Variants in TBC1D24 observed in about 807,000 individuals in gnomAD.
TBC1D24 encodes TBC1 domain family member 24, also known as Infantile myoclonic epilepsy.
A neutral mutation model predicts 50.7 loss-of-function variants in TBC1D24; 47 were observed. That is an observed-to-expected ratio of 0.93 (90% CI 0.73 to 1.18). The LOEUF (loss-of-function observed/expected upper bound fraction) is 1.18. TBC1D24 is among the 50% of genes most tolerant of loss of function. The probability of loss-of-function intolerance (pLI) is 0.00; values close to 1 mark genes in which losing one functional copy is unlikely to be tolerated. For synonymous variants in TBC1D24, 324 were observed against 335.2 expected (o/e 0.97, Z 0.36); for missense variants, 688 against 766.5 (o/e 0.90, Z 1.21).
Position 2,486,071 on chromosome 16 carries a change from G to A in TBC1D24, c.-115-9963G>A, listed in dbSNP as rs953457003. 1.3e-5 allele frequency among the ~76,000 whole-genome samples: 2 copies of A among 152,308 alleles called. No homozygotes were observed. The highest frequency in any genetic ancestry group is 6.5e-5 in the Admixed American group (1 of 15,300). Reference sequence around the variant, plus strand: ...GCGGGTGGGGTCGGTGCTCAGGAGCGGGTGGGGCCTGCCGGTCTCCCTAGC... The same window carrying A: ...GCGGGTGGGGTCGGTGCTCAGGAGCAGGTGGGGCCTGCCGGTCTCCCTAGC... On this transcript the variant is annotated intron_variant, in intron 1 of 7. Transcript: ENST00000646147. The surrounding 1 kb of genome is among the most constrained non-coding windows in gnomAD (Gnocchi z 5.8).
rs1376796560 is a variant in TBC1D24 at position 2,482,708 on chromosome 16, C to T, written c.-116+7538C>T. Among the ~76,000 whole-genome samples, 4 of 152,086 alleles carry T rather than the reference C, an allele frequency of 2.6e-5. No homozygotes were observed. Among genetic ancestry groups the T allele is most frequent in the East Asian group, 1.9e-4 (1 of 5,182 alleles). On this transcript the variant is annotated intron_variant, in intron 1 of 7. Coordinates refer to ENST00000646147, the MANE Select transcript of TBC1D24 (RefSeq NM_001199107.2). The surrounding 1 kb of genome is among the most constrained non-coding windows in gnomAD (Gnocchi z 5.2). ...TGGAGTGTGAATGTTGTGACTGTAC[C>T]GGAGACACCTGGGAAGCAGCTGGAG...
At chr16:2,497,908 C>G (rs769561104) in intron 3 of TBC1D24, among the ~76,000 whole-genome samples, 181 bp downstream of exon 3, 2 of 152,220 alleles carry the variant, frequency 1.3e-5, no homozygotes, top group Non-Finnish European at 2.9e-5. Context: ...CCCTGCCTGT[C>G]TGCCTCTGTC....
Position 2,498,233 on chromosome 16 carries a change from C to T in TBC1D24, c.984-5C>T, listed in dbSNP as rs535021783. On this transcript the variant is annotated splice_region_variant and splice_polypyrimidine_tract_variant and intron_variant, in intron 3 of 7. Transcript: ENST00000646147. ...CGGGCTCTGACCCCTGCTCGCTCCCCTCAGGCAGTTTGTACACTTGGCCGT... is the reference window on the plus strand; with the variant it reads ...CGGGCTCTGACCCCTGCTCGCTCCCTTCAGGCAGTTTGTACACTTGGCCGT... 1 of 1,604,056 alleles carries T rather than the reference C, an allele frequency of 6.2e-7. No individual in the cohort carries two copies. The highest frequency in any genetic ancestry group is 1.3e-5 in the African/African-American group (1 of 74,902).
Position 2,500,221 on chromosome 16 carries a change from G to A in TBC1D24, c.1303-47G>A. On this transcript the variant is annotated intron_variant, in intron 6 of 7. Transcript: ENST00000646147. This position sits in a 1 kb window ranked among gnomAD's most constrained non-coding sequence, Gnocchi z 8.0. ...CGGGTTGTGGCTCTGGGGCAGAGGG[G>A]CCTGCGAACGCCCGCGCCAGCTCCT... The A allele has an allele frequency of 6.7e-7, 1 of 1,490,344 alleles. No homozygotes were observed. The highest frequency in any genetic ancestry group is 9.2e-7 in the Non-Finnish European group (1 of 1,091,176). 92.3% of individuals were successfully genotyped at this position (1,490,344 alleles called of 1,614,324 possible). A position where few individuals can be genotyped will look rare whatever the true frequency, so the allele number is the denominator to read the frequency against.
chr16:2,491,614 G>A (rs1435678841), intron 1 of TBC1D24, among the ~76,000 whole-genome samples: 1 of 150,848 alleles, frequency 6.6e-6, no homozygotes. Flanking sequence ...GAGTGCAGTG[G>A]CTCCATCTTG....
chr16:2,497,636 C>G (rs945064654), intron 2 of TBC1D24, 74 bp from the exon 3 acceptor site: 2 of 1,429,010 alleles, frequency 1.4e-6, no homozygotes, highest in Admixed American at 2.0e-5. Context: ...GTCGGGGGAT[C>G]GGTACTCACA....
intron 1 of TBC1D24, among the ~76,000 whole-genome samples, chr16:2,494,642 A>G (rs530514837): frequency 8.6e-5 from 13 of 152,038 alleles, no homozygotes; most frequent in African/African-American, 2.9e-4. Flanking sequence ...GGCCTCAACT[A>G]GTCCTCCCAC....
At chr16:2,488,349 T>TA (rs560438867) in intron 1 of TBC1D24, among the ~76,000 whole-genome samples, 2 of 152,106 alleles carry the variant, frequency 1.3e-5, no homozygotes, top group South Asian at 4.2e-4. Flanking sequence ...TGTAGCCATT[T>TA]AAAGGGCCCC....
chr16:2,475,518 C>T lies in TBC1D24; in HGVS notation c.-116+348C>T, dbSNP rs183278271. Among the ~76,000 whole-genome samples the T allele has an allele frequency of 2.8e-3, 431 of 152,144 alleles. 1 individual carries two copies. Among genetic ancestry groups the T allele is most frequent in the Non-Finnish European group, 4.2e-3 (282 of 67,920 alleles). On this transcript the variant is annotated intron_variant, in intron 1 of 7. Transcript: ENST00000646147. This position sits in a 1 kb window ranked among gnomAD's most constrained non-coding sequence, Gnocchi z 4.2. ...TGTTTCCTTGGGGCGCTTTCCGTCT[C>T]CGCAGGGTCGGAAATCCTCTTGGGG...
At chr16:2,479,490 A>T (rs757045037) in intron 1 of TBC1D24, 19 of 152,222 alleles carry the variant, frequency 1.2e-4, no homozygotes, top group Non-Finnish European at 2.8e-4. Flanking sequence ...GTCCATCAGC[A>T]TTGGCAGCAG....
In TBC1D24 at chr16:2,505,201, A is replaced by G. The variant is rs1027189778; in HGVS notation, c.*4243A>G. The G allele has an allele frequency of 4.6e-5, 7 of 152,270 alleles. No homozygotes were observed. The highest frequency in any genetic ancestry group is 4.6e-4 in the Admixed American group (7 of 15,286). 9.4% of individuals were successfully genotyped at this position (152,270 alleles called of 1,614,324 possible). A position where few individuals can be genotyped will look rare whatever the true frequency, so the allele number is the denominator to read the frequency against. On this transcript the variant is annotated 3_prime_UTR_variant, in exon 8 of 8. Coordinates refer to ENST00000646147, the MANE Select transcript of TBC1D24 (RefSeq NM_001199107.2). ...GATTTTTAAAAATCATCTGGTATAA[A>G]GAGTTTTTAAGAACTATCTTCATCA...
In TBC1D24 at chr16:2,500,695, G is replaced by A. The variant is rs944636614; in HGVS notation, c.1526-109G>A. ...GGGCTATGGAGGGTCAACGGTCTGT[G>A]CGGTTTCAGAGAGGCCCGTGCAGGG... On this transcript the variant is annotated intron_variant, in intron 7 of 7. Coordinates refer to ENST00000646147, the MANE Select transcript of TBC1D24 (RefSeq NM_001199107.2). This position sits in a 1 kb window ranked among gnomAD's most constrained non-coding sequence, Gnocchi z 8.0. 5.4e-5 allele frequency: 79 copies of A among 1,450,460 alleles called. No homozygotes were observed. Among genetic ancestry groups the A allele is most frequent in the Non-Finnish European group, 7.0e-5 (76 of 1,085,032 alleles). 89.8% of individuals were successfully genotyped at this position (1,450,460 alleles called of 1,614,324 possible).
rs954643863 is a variant in TBC1D24, at chr16:2,486,048, G to A, written c.-115-9986G>A. ...CCTGTGCTGCCCTCCCCTGCCTGGC[G>A]GGTGGGGTCGGTGCTCAGGAGCGGG... On this transcript the variant is annotated intron_variant, in intron 1 of 7. Coordinates refer to ENST00000646147, the MANE Select transcript of TBC1D24 (RefSeq NM_001199107.2). The surrounding 1 kb of genome is among the most constrained non-coding windows in gnomAD (Gnocchi z 5.8). Among the ~76,000 whole-genome samples the A allele has an allele frequency of 6.6e-6, 1 of 152,200 alleles. No homozygotes were observed. The highest frequency in any genetic ancestry group is 2.4e-5 in the African/African-American group (1 of 41,436).
Position 2,500,463 on chromosome 16 carries a change from G to A in TBC1D24, c.1498G>A (p.Ala500Thr). The change falls in exon 7 of 8, where the codon GCG becomes ACG. Residue 500 changes from alanine (A) to threonine (T), a missense_variant. By Grantham distance (58) the Ala-to-Thr change is moderately conservative. Coordinates refer to ENST00000646147, the MANE Select transcript of TBC1D24 (RefSeq NM_001199107.2). The surrounding 1 kb of genome is among the most constrained non-coding windows in gnomAD (Gnocchi z 8.0). ...LPSKTESMFM[A>T]GGSDCLIVGG... ...CTCCAAGACCGAGTCCATGTTCATGGCGGGGGGCAGCGACTGCCTCATCGT... is the reference window on the plus strand; with the variant it reads ...CTCCAAGACCGAGTCCATGTTCATGACGGGGGGCAGCGACTGCCTCATCGT... 6.3e-7 allele frequency: 1 copy of A among 1,580,090 alleles called. No homozygotes were observed. The highest frequency in any genetic ancestry group is 1.3e-5 in the African/African-American group (1 of 74,288).
chr16:2,475,164 C>T lies in TBC1D24; in HGVS notation c.-122C>T, dbSNP rs1596949261. The T allele has an allele frequency of 6.7e-6, 1 of 149,996 alleles. No individual in the cohort carries two copies. Among genetic ancestry groups the T allele is most frequent in the African/African-American group, 2.4e-5 (1 of 41,108 alleles). 9.3% of individuals were successfully genotyped at this position (149,996 alleles called of 1,614,324 possible). ...GCGGCAGGCTGAGGAGAAAGCGGCG[C>T]GCGGAGGTGGGTGCGCTCGGGGCGT... On this transcript the variant is annotated 5_prime_UTR_variant, in exon 1 of 8. Coordinates refer to ENST00000646147, the MANE Select transcript of TBC1D24 (RefSeq NM_001199107.2). This position sits in a 1 kb window ranked among gnomAD's most constrained non-coding sequence, Gnocchi z 4.2.
At chr16:2,477,617 C>T (rs2065579036) in intron 1 of TBC1D24, 1 of 152,272 alleles carries the variant, frequency 6.6e-6, no homozygotes, top group Non-Finnish European at 1.5e-5. Flanking sequence ...TCATAGGAGG[C>T]ACCATGCCGT....
In TBC1D24 at chr16:2,498,109, G is replaced by A. The variant is rs569808902; in HGVS notation, c.984-129G>A. 480 of 1,260,360 alleles carry A rather than the reference G, an allele frequency of 3.8e-4. 2 individuals are homozygous for A. In the African/African-American group the frequency reaches 5.7e-3, roughly 15 times the overall value. The allele number at this position is 1,260,360 out of a possible 1,614,324, so 78.1% of individuals were successfully genotyped here. A position where few individuals can be genotyped will look rare whatever the true frequency, so the allele number is the denominator to read the frequency against. ...GGCACCTAGAACCCGGCCCTAAACC[G>A]GGGCCGGGGCAAGCAGGCGAGAAGT... On this transcript the variant is annotated intron_variant, in intron 3 of 7. Transcript: ENST00000646147.
chr16:2,501,397 G>A lies in TBC1D24; in HGVS notation c.*439G>A, dbSNP rs1212703255. ...CCCTGCTGGTGCCGCATAGCATCGC[G>A]CCCTCCTGAGCAGGGCCCTGCAGCC... On this transcript the variant is annotated 3_prime_UTR_variant, in exon 8 of 8. Transcript: ENST00000646147. 3 of 209,996 alleles carry A rather than the reference G, an allele frequency of 1.4e-5. No individual in the cohort carries two copies. Among genetic ancestry groups the A allele is most frequent in the Admixed American group, 1.1e-4 (2 of 18,846 alleles). The allele number at this position is 209,996 out of a possible 1,614,324, so 13.0% of individuals were successfully genotyped here. A position where few individuals can be genotyped will look rare whatever the true frequency, so the allele number is the denominator to read the frequency against.
rs1226357923 is a variant in TBC1D24, at chr16:2,475,369, G to T, written c.-116+199G>T. On this transcript the variant is annotated intron_variant, in intron 1 of 7. Transcript: ENST00000646147. This position sits in a 1 kb window ranked among gnomAD's most constrained non-coding sequence, Gnocchi z 4.2. ...CGGCACCGCCCGGCGCTGCAGCTGC[G>T]GCTTGGCCTACGGGAGGGGGCGCAG... 1.3e-5 allele frequency among the ~76,000 whole-genome samples: 2 copies of T among 151,680 alleles called. No homozygotes were observed. Among genetic ancestry groups the T allele is most frequent in the African/African-American group, 2.4e-5 (1 of 41,390 alleles).
Sources: gnomAD v4.1 joint callset for allele counts (sites outside exome capture counted in the v4.1 genomes callset) on GRCh38, gnomAD v4.1.1 for gene constraint, Gnocchi (gnomAD v3.1) non-coding constraint, MANE v1.5 for transcripts, NCBI Gene and HGNC (gene_info 2026-07-23, HGNC 2026-07-21) for gene names.